Variants in EPHA6 observed in about 807,000 individuals in gnomAD.
EPHA6 encodes ephrin type-A receptor 6.
EPHA6 carries 50 observed loss-of-function variants against 112.0 expected under a neutral mutation model. That is an observed-to-expected ratio of 0.45 (90% CI 0.36 to 0.56). EPHA6 has a LOEUF of 0.56. EPHA6 is among the 20% of genes least tolerant of loss of function. The probability of loss-of-function intolerance (pLI) is 0.00; values close to 1 mark genes in which losing one functional copy is unlikely to be tolerated. For synonymous variants in EPHA6, 529 were observed against 490.7 expected, an observed-to-expected ratio of 1.08 and a Z score of -1.03; for missense variants, 1,280 against 1,417.4, an observed-to-expected ratio of 0.90 and a Z score of 1.56.
At chr3:97,602,821 T>C (rs1576037049) in intron 12 of EPHA6, among the ~76,000 whole-genome samples, 1 of 152,022 alleles carries the variant, frequency 6.6e-6, no homozygotes, top group Non-Finnish European at 1.5e-5. Context: ...AACCAAGAAC[T>C]AAAGCAGCAT....
chr3:97,079,614 A>AG (rs1391026593), intron 3 of EPHA6, among the ~76,000 whole-genome samples: 1 of 151,744 alleles, frequency 6.6e-6, no homozygotes, highest in Non-Finnish European at 1.5e-5. Context: ...AGTAAAAAAA[A>AG]AAAAAAAAAG....
In EPHA6 at chr3:97,548,685, T is replaced by C. The variant is rs1191613528; in HGVS notation, c.2386+16142T>C. ...TCTCTTAGCAGAATGCATGTGAAAT[T>C]CATCCATATTTTTTGTTGTTGTGTA... On this transcript the variant is annotated intron_variant, in intron 11 of 17. Transcript: ENST00000389672. Among the ~76,000 whole-genome samples, 4 of 152,236 alleles carry C rather than the reference T, an allele frequency of 2.6e-5. No individual in the cohort carries two copies. The East Asian group carries it at 7.7e-4, about 29-fold the overall frequency.
intron 2 of EPHA6, among the ~76,000 whole-genome samples, chr3:96,876,153 G>C (rs945392881): frequency 2.1e-5 from 3 of 146,130 alleles, no homozygotes; most frequent in African/African-American, 7.6e-5. Context: ...TTTTTGTAGA[G>C]ATGGGGAGGT....
intron 5 of EPHA6, among the ~76,000 whole-genome samples, chr3:97,299,433 G>C (rs535037873): frequency 6.6e-6 from 1 of 152,218 alleles, no homozygotes; most frequent in East Asian, 1.9e-4. Context: ...GCCTAAAACT[G>C]GCCCAAAAGG....
At chr3:97,578,341 A>G (rs925321168) in intron 11 of EPHA6, among the ~76,000 whole-genome samples, 5 of 151,900 alleles carry the variant, frequency 3.3e-5, no homozygotes, top group Non-Finnish European at 5.9e-5. Flanking sequence ...TGTAAGTTGC[A>G]TTTTTCAAGA....
chr3:97,142,023 C>T (rs552699038), intron 3 of EPHA6, among the ~76,000 whole-genome samples: 1 of 152,076 alleles, frequency 6.6e-6, no homozygotes, highest in East Asian at 1.9e-4. Flanking sequence ...GGAAACAAGA[C>T]ATCATTCTAT....
At chr3:97,626,574 TAGAA>T (rs1202034576) in intron 13 of EPHA6, among the ~76,000 whole-genome samples, 1 of 151,660 alleles carries the variant, frequency 6.6e-6, no homozygotes, top group Admixed American at 6.6e-5. Flanking sequence ...TCTAATAGAC[TAGAA>T]AGAATCGAGA....
At chr3:97,175,570 A>G (rs570793312) in intron 3 of EPHA6, among the ~76,000 whole-genome samples, 25 of 151,894 alleles carry the variant, frequency 1.6e-4, no homozygotes, top group African/African-American at 6.0e-4. Context: ...ATTTTCCTTC[A>G]TCAGTGTTTT....
intron 5 of EPHA6, among the ~76,000 whole-genome samples, chr3:97,277,348 G>T (rs776955292): frequency 6.6e-6 from 1 of 152,118 alleles, no homozygotes; most frequent in South Asian, 2.1e-4. Context: ...GGTGCTCAGT[G>T]GGGGAGCTTT....
At chr3:97,092,606 T>C (rs2047107368) in intron 3 of EPHA6, among the ~76,000 whole-genome samples, 1 of 152,076 alleles carries the variant, frequency 6.6e-6, no homozygotes, top group Admixed American at 6.6e-5. Context: ...TTTGATGAGT[T>C]ACTAGCATTC....
chr3:96,963,272 C>A (rs1327311425), intron 2 of EPHA6, among the ~76,000 whole-genome samples: 1 of 151,876 alleles, frequency 6.6e-6, no homozygotes, highest in African/African-American at 2.4e-5. Flanking sequence ...TTGCTCAGCA[C>A]TAATCTAGTA....
intron 1 of EPHA6, among the ~76,000 whole-genome samples, chr3:96,857,390 C>T (rs1335864018): frequency 2.0e-5 from 3 of 152,098 alleles, no homozygotes; most frequent in African/African-American, 7.2e-5. Context: ...AGCCATGCTG[C>T]TCTTGGCATG....
intron 17 of EPHA6, among the ~76,000 whole-genome samples, chr3:97,748,120 T>A (rs1413467236): frequency 2.0e-5 from 3 of 152,148 alleles, no homozygotes; most frequent in African/African-American, 7.2e-5. Flanking sequence ...CAGTACAACC[T>A]AAGGGCATTT....
At chr3:97,348,291 CAT>C (rs1297644546) in intron 5 of EPHA6, among the ~76,000 whole-genome samples, 2 of 152,000 alleles carry the variant, frequency 1.3e-5, no homozygotes, top group African/African-American at 4.8e-5. Flanking sequence ...CAATGATATT[CAT>C]ATTCTGACTC....
chr3:96,850,746 G>A (rs1379690486), intron 1 of EPHA6, among the ~76,000 whole-genome samples: 2 of 152,060 alleles, frequency 1.3e-5, no homozygotes, highest in African/African-American at 2.4e-5. Context: ...TTATTCTAGA[G>A]CTAAATAGTC....
At chr3:97,561,921 GC>G (rs962512614) in intron 11 of EPHA6, among the ~76,000 whole-genome samples, 15 of 152,042 alleles carry the variant, frequency 9.9e-5, no homozygotes, top group African/African-American at 3.6e-4. Context: ...AATCTACTTT[GC>G]CTTTGCTCTT....
At chr3:97,156,341 A>T (rs941372843) in intron 3 of EPHA6, among the ~76,000 whole-genome samples, 33 of 152,258 alleles carry the variant, frequency 2.2e-4, no homozygotes, top group African/African-American at 7.9e-4. Context: ...AAAATTTTAG[A>T]TACAAATAAA....
intron 3 of EPHA6, among the ~76,000 whole-genome samples, chr3:97,208,373 C>A (rs1395225572): frequency 6.6e-6 from 1 of 152,018 alleles, no homozygotes; most frequent in African/African-American, 2.4e-5. Context: ...CAATATAAAA[C>A]CCTAATTGCA....
intron 6 of EPHA6, among the ~76,000 whole-genome samples, chr3:97,435,534 A>G (rs1456597573): frequency 2.0e-5 from 3 of 152,192 alleles, no homozygotes; most frequent in Non-Finnish European, 4.4e-5. Flanking sequence ...TGTATTTACA[A>G]CAATCAATAT....
Sources: gnomAD v4.1 joint callset for allele counts (sites outside exome capture counted in the v4.1 genomes callset) on GRCh38, gnomAD v4.1.1 for gene constraint, MANE v1.5 for transcripts, NCBI Gene and HGNC (gene_info 2026-07-23, HGNC 2026-07-21) for gene names.